SORCS1: variants seen among roughly 807,000 people sequenced by gnomAD.
SORCS1 encodes VPS10 domain-containing receptor SorCS1.
A neutral mutation model predicts 146.1 loss-of-function variants in SORCS1; 60 were observed. That is an observed-to-expected ratio of 0.41 (90% CI 0.33 to 0.51). The LOEUF is 0.51. Ranked by LOEUF, SORCS1 falls within the 20% of genes least tolerant of loss-of-function variation. The pLI, the probability that SORCS1 is intolerant of heterozygous loss-of-function variation, is 0.21. For missense variants in SORCS1, 1,352 were observed against 1,487.6 expected, an observed-to-expected ratio of 0.91 and a Z score of 1.50; for synonymous variants, 637 against 584.0, an observed-to-expected ratio of 1.09 and a Z score of -1.31.
At chr10:106,978,672 C>A (rs1236960257) in intron 1 of SORCS1, among the ~76,000 whole-genome samples, 1 of 151,918 alleles carries the variant, frequency 6.6e-6, no homozygotes, top group Non-Finnish European at 1.5e-5. Context: ...GTGGCGTGCA[C>A]CCGTAATCCC....
At chr10:106,826,971 A>C (rs576414655) in intron 3 of SORCS1, among the ~76,000 whole-genome samples, 1 of 152,308 alleles carries the variant, frequency 6.6e-6, no homozygotes, top group African/African-American at 2.4e-5. Flanking sequence ...CCTTCAGATA[A>C]CTATGGACTA....
intron 24 of SORCS1, among the ~76,000 whole-genome samples, chr10:106,582,385 G>GGCAGGAA (rs1012550078): frequency 3.3e-5 from 5 of 152,292 alleles, no homozygotes; most frequent in African/African-American, 4.8e-5. Flanking sequence ...ATTTCTCAGA[G>GGCAGGAA]GCAGGAAGCA....
At chr10:106,727,592 G>T (rs1216990984) in intron 6 of SORCS1, among the ~76,000 whole-genome samples, 1 of 152,122 alleles carries the variant, frequency 6.6e-6, no homozygotes, top group African/African-American at 2.4e-5. Context: ...GGCGAGAAAC[G>T]GTTGTGATCG....
chr10:106,603,407 C>A (rs1314345260), intron 23 of SORCS1, among the ~76,000 whole-genome samples: 1 of 152,186 alleles, frequency 6.6e-6, no homozygotes, highest in Non-Finnish European at 1.5e-5. Flanking sequence ...CCCGCCTCAT[C>A]CTGATAACAG....
intron 1 of SORCS1, among the ~76,000 whole-genome samples, chr10:107,013,400 C>T (rs1957764838): frequency 6.6e-6 from 1 of 151,898 alleles, no homozygotes; most frequent in African/African-American, 2.4e-5. Context: ...GAACCTGACA[C>T]CAAGCAGAAG....
chr10:106,733,111 A>AAAAAG (rs527897452), intron 5 of SORCS1, among the ~76,000 whole-genome samples: 2,003 of 148,082 alleles, frequency 0.014, 76 homozygotes, highest in Middle Eastern at 0.035. Context: ...CCATTTCAAA[A>AAAAAG]AAAAGAAAAG....
At chr10:107,098,979 T>TG (rs1645667483) in intron 1 of SORCS1, among the ~76,000 whole-genome samples, 2 of 152,188 alleles carry the variant, frequency 1.3e-5, no homozygotes, top group African/African-American at 2.4e-5. Flanking sequence ...CAACCAACAA[T>TG]GCGTACAGTA....
intron 1 of SORCS1, among the ~76,000 whole-genome samples, chr10:107,107,119 C>T (rs1351600181): frequency 1.3e-5 from 2 of 152,202 alleles, no homozygotes; most frequent in African/African-American, 2.4e-5. Flanking sequence ...CTAACAATGT[C>T]CAGGTGACTT....
chr10:107,065,470 C>T (rs1297260240), intron 1 of SORCS1, among the ~76,000 whole-genome samples: 803 of 52,204 alleles, frequency 0.015, 33 homozygotes, highest in African/African-American at 0.066. Flanking sequence ...CTCTCTCCCT[C>T]TCCTCTCCTC....
At position 107,164,465 on chromosome 10, in the gene SORCS1, G is replaced by A; in HGVS notation, c.62C>T (p.Ala21Val). ...CGGGGCGCAGAGGATCAAGAGCCCC[G>A]CGCCGGCGAGGAGCGCGCTCAGCCG... ...QARLSALLAGAGLLILCAPGV... is the reference protein window; with the variant it reads ...QARLSALLAGVGLLILCAPGV... The change falls in exon 1 of 26, where the codon GCG becomes GTG. Residue 21 changes from alanine (A) to valine (V), a missense_variant. Coordinates refer to ENST00000263054, the MANE Select transcript of SORCS1 (RefSeq NM_052918.5). This position sits in a 1 kb window ranked among gnomAD's most constrained non-coding sequence, Gnocchi z 6.8. 1 of 1,369,388 alleles carries A rather than the reference G, an allele frequency of 7.3e-7. No individual in the cohort carries two copies. The highest frequency in any genetic ancestry group is 3.0e-5 in the East Asian group (1 of 33,884). The allele number at this position is 1,369,388 out of a possible 1,614,324, so 84.8% of individuals were successfully genotyped here.
At chr10:106,790,237 C>T (rs1946247578) in intron 3 of SORCS1, among the ~76,000 whole-genome samples, 1 of 152,122 alleles carries the variant, frequency 6.6e-6, no homozygotes, top group African/African-American at 2.4e-5. Flanking sequence ...ACAATTGGTA[C>T]TGGACTTAAT....
intron 18 of SORCS1, among the ~76,000 whole-genome samples, chr10:106,643,714 A>G (rs1285844937): frequency 1.3e-5 from 2 of 152,218 alleles, no homozygotes; most frequent in Admixed American, 6.5e-5. Flanking sequence ...TCTTCGAACC[A>G]GATTCCCCAA....
chr10:107,126,268 G>A (rs1162025602), intron 1 of SORCS1, among the ~76,000 whole-genome samples: 2 of 151,946 alleles, frequency 1.3e-5, no homozygotes, highest in Admixed American at 1.3e-4. Flanking sequence ...TCCAATGTCT[G>A]CTCCTAGTTT....
the SORCS1 span, among the ~76,000 whole-genome samples, chr10:107,177,521 G>T: frequency 3.3e-5 from 5 of 151,982 alleles, no homozygotes; most frequent in African/African-American, 7.2e-5. Context: ...TATATTTATA[G>T]GATCTGTTGC....
intron 2 of SORCS1, among the ~76,000 whole-genome samples, chr10:106,928,902 A>AAT (rs986373016): frequency 8.8e-6 from 1 of 113,960 alleles, no homozygotes; most frequent in African/African-American, 2.7e-5. Flanking sequence ...TTTTAGTGAA[A>AAT]ATATATATAC....
intron 2 of SORCS1, among the ~76,000 whole-genome samples, chr10:106,840,590 G>A (rs117703256): frequency 0.013 from 1,904 of 152,210 alleles, 19 homozygotes; most frequent in Non-Finnish European, 0.019. Context: ...GGCAGGATGT[G>A]AGAGAATGAA....
At chr10:106,585,701 T>C (rs1156413984) in intron 24 of SORCS1, among the ~76,000 whole-genome samples, 1 of 152,242 alleles carries the variant, frequency 6.6e-6, no homozygotes, top group Non-Finnish European at 1.5e-5. Flanking sequence ...ATTATTATAA[T>C]CTGCATCTGG....
intron 1 of SORCS1, among the ~76,000 whole-genome samples, chr10:107,106,207 T>C (rs936162206): frequency 6.6e-6 from 1 of 152,154 alleles, no homozygotes; most frequent in African/African-American, 2.4e-5. Flanking sequence ...CTCTTAAGAG[T>C]GTATTATATT....
At chr10:106,932,278 A>T (rs1046824677) in intron 2 of SORCS1, among the ~76,000 whole-genome samples, 1 of 152,192 alleles carries the variant, frequency 6.6e-6, no homozygotes, top group Non-Finnish European at 1.5e-5. Context: ...ATTTTTAAAA[A>T]AACAAAGTAG....
Sources: allele counts gnomAD v4.1 joint callset (sites outside exome capture counted in the v4.1 genomes callset), GRCh38; gene constraint gnomAD v4.1.1; non-coding constraint Gnocchi (gnomAD v3.1); transcripts MANE v1.5; gene names NCBI Gene and HGNC (gene_info 2026-07-23, HGNC 2026-07-21).